RANBP3: variants seen among roughly 807,000 people sequenced by gnomAD.
RANBP3 encodes the protein RAN binding protein 3.
In RANBP3, 14 loss-of-function variants were observed where a neutral mutation model predicts 77.3. That is an observed-to-expected ratio of 0.18 (90% confidence interval 0.12 to 0.28). The LOEUF (loss-of-function observed/expected upper bound fraction) is 0.28. Among genes scored for constraint, RANBP3 ranks in the 10% least tolerant of loss-of-function variants. RANBP3 has a pLI of 1.00. For synonymous variants in RANBP3, 315 were observed against 312.4 expected (o/e 1.01, Z -0.09); for missense variants, 586 against 752.3 (o/e 0.78, Z 2.59).
intron 5 of RANBP3, 24 bp downstream of exon 5, chr19:5,941,597 A>G (rs370551030): frequency 1.3e-5 from 20 of 1,589,382 alleles, no homozygotes; most frequent in South Asian, 1.1e-5. Context: ...CGCTTTCACC[A>G]TTCCGTAAGT....
intron 5 of RANBP3, chr19:5,935,644 C>A (rs2058054249): frequency 2.2e-6 from 1 of 450,898 alleles, no homozygotes; most frequent in Non-Finnish European, 4.5e-6. Flanking sequence ...GCCCGAGCTG[C>A]CAAGCGGAAG....
intron 3 of RANBP3, among the ~76,000 whole-genome samples, chr19:5,946,438 T>C (rs1405825690): frequency 1.3e-5 from 2 of 152,148 alleles, no homozygotes; most frequent in Non-Finnish European, 2.9e-5. Context: ...AAATATCTTC[T>C]AAGAGCCTGC....
intron 5 of RANBP3, among the ~76,000 whole-genome samples, chr19:5,938,129 A>G (rs1388573011): frequency 6.6e-6 from 1 of 152,180 alleles, no homozygotes; most frequent in Non-Finnish European, 1.5e-5. Flanking sequence ...CAATGCTGAG[A>G]GTTATAAGAA....
intron 3 of RANBP3, among the ~76,000 whole-genome samples, chr19:5,945,589 T>G (rs980392942): frequency 1.1e-4 from 16 of 152,212 alleles, no homozygotes; most frequent in African/African-American, 3.9e-4. Context: ...TCCTGTTTCC[T>G]TACTGATCTT....
Position 5,978,046 on chromosome 19 carries a change from C to A in RANBP3, c.22+15G>T, listed in dbSNP as rs369575679. The A allele has an allele frequency of 7.1e-5, 114 of 1,609,932 alleles. No homozygotes were observed. The highest frequency in any genetic ancestry group is 8.9e-5 in the Non-Finnish European group (105 of 1,178,410). On this transcript the variant is annotated intron_variant, in intron 1 of 16. Coordinates refer to ENST00000340578, the MANE Select transcript of RANBP3 (RefSeq NM_007322.3). ...TCCCCGGCCGCCAGCCGGTCCCCAA[C>A]GGCGCCTCCCCTACCTTCGTTCGCC...
At chr19:5,945,066 CTT>C (rs1192417682) in intron 3 of RANBP3, among the ~76,000 whole-genome samples, 1 of 152,192 alleles carries the variant, frequency 6.6e-6, no homozygotes. Flanking sequence ...CCCTTATACT[CTT>C]TCTCTGTGGC....
chr19:5,976,189 G>T (rs750440135), intron 1 of RANBP3, among the ~76,000 whole-genome samples: 1 of 152,184 alleles, frequency 6.6e-6, no homozygotes, highest in Admixed American at 6.5e-5. Context: ...AACTACAATG[G>T]GTGAAAGACC....
chr19:5,938,818 T>G (rs905692714), intron 5 of RANBP3, among the ~76,000 whole-genome samples: 1 of 152,180 alleles, frequency 6.6e-6, no homozygotes, highest in East Asian at 1.9e-4. Context: ...GCGTTACCTT[T>G]GGGATGGCAG....
chr19:5,917,275 G>A lies in RANBP3; in HGVS notation c.*335C>T. On this transcript the variant is annotated 3_prime_UTR_variant, in exon 17 of 17. Transcript: ENST00000340578. Reference sequence around the variant, plus strand: ...AAGCCAGGGGCTCTGGCTGGACCCAGAGGCTGGCGACACGCGGGGTGAAGG... The same window carrying A: ...AAGCCAGGGGCTCTGGCTGGACCCAAAGGCTGGCGACACGCGGGGTGAAGG... The A allele has an allele frequency of 2.6e-6, 1 of 391,334 alleles. No individual in the cohort carries two copies. Among genetic ancestry groups the A allele is most frequent in the Non-Finnish European group, 4.7e-6 (1 of 212,844 alleles). 24.2% of individuals were successfully genotyped at this position (391,334 alleles called of 1,614,324 possible). A position where few individuals can be genotyped will look rare whatever the true frequency, so the allele number is the denominator to read the frequency against.
At chr19:5,940,141 G>A (rs1186250643) in intron 5 of RANBP3, among the ~76,000 whole-genome samples, 1 of 152,252 alleles carries the variant, frequency 6.6e-6, no homozygotes, top group African/African-American at 2.4e-5. Flanking sequence ...TTACCCTGGA[G>A]AGCTGAGTGT....
At chr19:5,930,637 C>T (rs1277496089) in intron 8 of RANBP3, among the ~76,000 whole-genome samples, 2 of 152,158 alleles carry the variant, frequency 1.3e-5, no homozygotes, top group Admixed American at 6.5e-5. Context: ...GGTGTGACCT[C>T]GGCTCACAGC....
At chr19:5,946,943 T>C (rs115243272) in intron 3 of RANBP3, among the ~76,000 whole-genome samples, 3,571 of 152,200 alleles carry the variant, frequency 0.023, 136 homozygotes, top group African/African-American at 0.081. Context: ...TCCTCAGGGG[T>C]TGGTCCCGAA....
At chr19:5,931,097 C>T (rs562098228) in intron 8 of RANBP3, among the ~76,000 whole-genome samples, 12 of 152,322 alleles carry the variant, frequency 7.9e-5, no homozygotes, top group South Asian at 4.1e-4. Flanking sequence ...AGACATGTGG[C>T]GGTCAGCCTT....
intron 1 of RANBP3, among the ~76,000 whole-genome samples, chr19:5,960,862 C>A (rs1384134565): frequency 1.3e-5 from 2 of 152,174 alleles, no homozygotes; most frequent in Non-Finnish European, 2.9e-5. Flanking sequence ...CAGGAGAGGG[C>A]CCCTCTGATG....
intron 5 of RANBP3, among the ~76,000 whole-genome samples, chr19:5,937,055 C>CAAAAAAAAAAAAAAAAAAAAAAAAAAA (rs1568458812): frequency 1.4e-4 from 1 of 7,156 alleles, no homozygotes; most frequent in Non-Finnish European, 2.3e-4. Context: ...GACTCTGTCT[C>CAAAAAAAAAAAAAAAAAAAAAAAAAAA]CAAAAAAAAA....
chr19:5,967,267 T>C (rs1347624779), intron 1 of RANBP3, among the ~76,000 whole-genome samples: 5 of 152,374 alleles, frequency 3.3e-5, no homozygotes, highest in South Asian at 2.1e-4. Flanking sequence ...ACTGGTCTCA[T>C]GGAGATTATG....
At chr19:5,918,031 C>T in intron 15 of RANBP3, 51 bp from the exon 16 acceptor site, 2 of 1,515,426 alleles carry the variant, frequency 1.3e-6, no homozygotes, top group Non-Finnish European at 1.8e-6. Flanking sequence ...CTACCCCCTC[C>T]TGCCTTCTGC....
At chr19:5,936,348 T>TGCAG (rs1194808915) in intron 5 of RANBP3, among the ~76,000 whole-genome samples, 1 of 152,058 alleles carries the variant, frequency 6.6e-6, no homozygotes, top group African/African-American at 2.4e-5. Context: ...CATCTCCACA[T>TGCAG]GCAGGCAGGC....
chr19:5,970,219 A>C (rs1479710851), intron 1 of RANBP3, among the ~76,000 whole-genome samples: 3 of 152,122 alleles, frequency 2.0e-5, no homozygotes, highest in African/African-American at 7.2e-5. Context: ...CCTTGCATTA[A>C]TCTTGGGCAA....
Sources: gnomAD v4.1 joint callset for allele counts (sites outside exome capture counted in the v4.1 genomes callset) on GRCh38, gnomAD v4.1.1 for gene constraint, MANE v1.5 for transcripts, NCBI Gene and HGNC (gene_info 2026-07-23, HGNC 2026-07-21) for gene names.